Variants in MYOCD observed in about 807,000 individuals in gnomAD.
The protein encoded by MYOCD is myocardin.
In MYOCD, 32 loss-of-function variants were observed where a neutral mutation model predicts 96.1. The observed-to-expected ratio is 0.33, with a 90% CI of 0.25 to 0.45. The LOEUF is 0.45. Ranked by LOEUF, MYOCD falls within the 20% of genes least tolerant of loss-of-function variation. MYOCD has a pLI of 1.00. For missense variants in MYOCD, 1,133 were observed against 1,200.6 expected, an observed-to-expected ratio of 0.94 and a Z score of 0.83; for synonymous variants, 469 against 469.0, an observed-to-expected ratio of 1.00 and a Z score of 0.00.
At chr17:12,737,065 G>A (rs1313598819) in intron 6 of MYOCD, among the ~76,000 whole-genome samples, 3 of 152,110 alleles carry the variant, frequency 2.0e-5, no homozygotes, top group Non-Finnish European at 4.4e-5. Flanking sequence ...GACCAGCCTG[G>A]CCAACACGGT....
At chr17:12,753,661 A>G (rs2032928442) in intron 10 of MYOCD, among the ~76,000 whole-genome samples, 1 of 152,196 alleles carries the variant, frequency 6.6e-6, no homozygotes, top group Non-Finnish European at 1.5e-5. Context: ...ATATCATGTG[A>G]GCAAATGCAC....
rs2031523650 is a variant in MYOCD, at chr17:12,712,896, G to GT, written c.122-2617dup. Among the ~76,000 whole-genome samples the GT allele has an allele frequency of 4.6e-5, 7 of 152,130 alleles. No individual in the cohort carries two copies. In the South Asian group the frequency reaches 1.5e-3, roughly 32 times the overall value. Reference sequence around the variant, plus strand: ...ACTCCCCAGGCTGGCAGCAGAAGTGGTTTTTTGTGTATTTTCCAAAAACCC... The same window carrying GT: ...ACTCCCCAGGCTGGCAGCAGAAGTGGTTTTTTTGTGTATTTTCCAAAAACCC... On this transcript the variant is annotated intron_variant, in intron 2 of 13. Transcript: ENST00000425538.
intron 2 of MYOCD, among the ~76,000 whole-genome samples, chr17:12,710,892 C>T (rs776367605): frequency 2.6e-5 from 4 of 152,180 alleles, no homozygotes; most frequent in South Asian, 4.1e-4. Context: ...TTCAATTTTC[C>T]ATTTCCCTGT....
At chr17:12,712,179 C>T (rs990187091) in intron 2 of MYOCD, among the ~76,000 whole-genome samples, 2 of 152,086 alleles carry the variant, frequency 1.3e-5, no homozygotes, top group African/African-American at 2.4e-5. Context: ...GAATTTCTAA[C>T]GTGTTCCCAA....
intron 1 of MYOCD, among the ~76,000 whole-genome samples, chr17:12,692,334 C>G: frequency 6.6e-6 from 1 of 152,212 alleles, no homozygotes; most frequent in East Asian, 1.9e-4. Context: ...TCTTGTGAAG[C>G]AGCCATTATC....
intron 12 of MYOCD, among the ~76,000 whole-genome samples, chr17:12,759,668 A>G (rs2033115861): frequency 6.6e-6 from 1 of 152,160 alleles, no homozygotes; most frequent in South Asian, 2.1e-4. Context: ...ATCCAGAAAT[A>G]AGACTCTACT....
At chr17:12,739,483 G>A (rs1375645947) in intron 7 of MYOCD, among the ~76,000 whole-genome samples, 155 bp downstream of exon 7, 1 of 152,228 alleles carries the variant, frequency 6.6e-6, no homozygotes, top group Non-Finnish European at 1.5e-5. Context: ...CAAAACAGGA[G>A]ATGAGAAATG....
intron 2 of MYOCD, among the ~76,000 whole-genome samples, chr17:12,713,401 A>G (rs2031539793): frequency 6.6e-6 from 1 of 152,128 alleles, no homozygotes; most frequent in Non-Finnish European, 1.5e-5. Context: ...TTCCTCCTAA[A>G]CCCCAAGCCC....
intron 12 of MYOCD, 198 bp downstream of exon 12, chr17:12,758,411 G>T (rs2033074547): frequency 1.6e-5 from 13 of 791,052 alleles, no homozygotes; most frequent in Middle Eastern, 3.7e-4. Context: ...AGGGAGAGAA[G>T]AGGGTCACCT....
rs780146999 is a variant in MYOCD at position 12,722,881 on chromosome 17, G to C, written c.288G>C (p.Gln96His). ...STAERSIPTA[Q>H]MKLKRARLAD... ...CAGAGAGGTCCATTCCAACTGCTCA[G>C]ATGAAGCTGAAAAGAGCCCGACTCG... Residue 96 changes from glutamine to histidine, a missense_variant, in exon 5 of 14, where the codon CAG becomes CAC. Gln to His is a conservative substitution (Grantham distance 24). Transcript: ENST00000425538. The C allele has an allele frequency of 1.9e-6, 3 of 1,614,012 alleles. No individual in the cohort carries two copies. The Admixed American group carries it at 5.0e-5, about 27-fold the overall frequency.
intron 1 of MYOCD, among the ~76,000 whole-genome samples, chr17:12,700,734 G>A (rs983737414): frequency 7.9e-5 from 12 of 151,196 alleles, no homozygotes; most frequent in African/African-American, 2.2e-4. Context: ...GTCTTCATTT[G>A]ATTAAGATCT....
chr17:12,736,012 T>G, intron 5 of MYOCD, 149 bp from the exon 6 acceptor site: 1 of 692,484 alleles, frequency 1.4e-6, no homozygotes, highest in East Asian at 2.5e-5. Flanking sequence ...CCAAATAATT[T>G]AAAGTATAGC....
At chr17:12,745,360 C>T (rs1408131205) in intron 8 of MYOCD, among the ~76,000 whole-genome samples, 2 of 152,100 alleles carry the variant, frequency 1.3e-5, no homozygotes, top group Non-Finnish European at 2.9e-5. Flanking sequence ...CAGGCATGCG[C>T]CACCACGCCC....
intron 5 of MYOCD, among the ~76,000 whole-genome samples, chr17:12,723,288 A>C (rs990925745): frequency 1.3e-5 from 2 of 152,178 alleles, no homozygotes; most frequent in African/African-American, 2.4e-5. Context: ...CATCTCCCCT[A>C]TAAGACATCC....
At chr17:12,689,053 C>T (rs1409837946) in intron 1 of MYOCD, among the ~76,000 whole-genome samples, 2 of 152,096 alleles carry the variant, frequency 1.3e-5, no homozygotes, top group Non-Finnish European at 2.9e-5. Context: ...TTCCTATTCC[C>T]GTTATCTTTT....
intron 1 of MYOCD, among the ~76,000 whole-genome samples, chr17:12,673,470 C>T (rs1412350677): frequency 6.6e-6 from 1 of 152,156 alleles, no homozygotes; most frequent in East Asian, 1.9e-4. Flanking sequence ...CAAGCGGCTA[C>T]ATAGCAACAT....
intron 2 of MYOCD, among the ~76,000 whole-genome samples, chr17:12,713,605 T>C (rs1198419717): frequency 6.6e-6 from 1 of 152,184 alleles, no homozygotes; most frequent in East Asian, 1.9e-4. Context: ...AACTAAATGA[T>C]TACCAGGAGA....
At chr17:12,675,469 A>G (rs1406148261) in intron 1 of MYOCD, among the ~76,000 whole-genome samples, 2 of 152,270 alleles carry the variant, frequency 1.3e-5, no homozygotes, top group African/African-American at 2.4e-5. Flanking sequence ...ATAAAATTCT[A>G]TATGAACTGA....
chr17:12,738,018 T>A (rs2150705336), intron 6 of MYOCD, among the ~76,000 whole-genome samples: 1 of 152,332 alleles, frequency 6.6e-6, no homozygotes, highest in South Asian at 2.1e-4. Flanking sequence ...AAACGGTGTA[T>A]CAGATCATTT....
Sources: gnomAD v4.1 joint callset for allele counts (sites outside exome capture counted in the v4.1 genomes callset) on GRCh38, gnomAD v4.1.1 for gene constraint, MANE v1.5 for transcripts, NCBI Gene and HGNC (gene_info 2026-07-23, HGNC 2026-07-21) for gene names.